Variants in MSR1 observed in about 807,000 individuals in gnomAD.
MSR1 encodes the protein macrophage scavenger receptor types I and II.
Under a neutral mutation model 47.2 loss-of-function variants are expected in MSR1, and 53 were observed. That is an observed-to-expected ratio of 1.12 (90% CI 0.90 to 1.41). The LOEUF is 1.41. Among genes scored for constraint, MSR1 ranks in the 40% most tolerant of loss-of-function variants. The pLI is 0.00. For missense variants in MSR1, 786 were observed against 546.9 expected (o/e 1.44, Z -4.36); for synonymous variants, 239 against 185.6 (o/e 1.29, Z -2.34).
intron 9 of MSR1, among the ~76,000 whole-genome samples, chr8:16,117,067 G>C (rs574520664): frequency 6.7e-4 from 102 of 152,236 alleles, no homozygotes; most frequent in African/African-American, 2.4e-3. Flanking sequence ...CCAGCCCACA[G>C]ACCATGGACC....
rs1800852538 is a variant in MSR1 at position 16,151,317 on chromosome 8, AAATCAAG to A, written c.899-1013_899-1007del. ...CTAAAAATCAAGGATGTTCAACTAC[AAATCAAG>A]TACATTTTCAATGAATGAACAAATA... On this transcript the variant is annotated intron_variant, in intron 6 of 9. Transcript: ENST00000262101. 2.0e-5 allele frequency among the ~76,000 whole-genome samples: 3 copies of A among 152,236 alleles called. No homozygotes were observed. In the South Asian group the frequency reaches 6.2e-4, roughly 32 times the overall value.
At chr8:16,141,827 A>C (rs2117110245) in intron 8 of MSR1, among the ~76,000 whole-genome samples, 1 of 152,342 alleles carries the variant, frequency 6.6e-6, no homozygotes, top group Middle Eastern at 3.4e-3. Context: ...TAAAAATAAA[A>C]AAAAAATAGT....
intron 7 of MSR1, among the ~76,000 whole-genome samples, chr8:16,148,318 T>C (rs1181162914): frequency 6.6e-6 from 1 of 152,104 alleles, no homozygotes. Flanking sequence ...TCAAGTTGTG[T>C]GAACTGGGTG....
At chr8:16,156,466 T>C (rs1317994462) in intron 5 of MSR1, among the ~76,000 whole-genome samples, 1 of 151,956 alleles carries the variant, frequency 6.6e-6, no homozygotes, top group Admixed American at 6.6e-5. Context: ...GTATGTCCCA[T>C]TTTCAAGGTA....
intron 8 of MSR1, chr8:16,139,238 G>T (rs1413851076): frequency 8.7e-5 from 85 of 981,070 alleles, no homozygotes; most frequent in Non-Finnish European, 9.8e-5. Flanking sequence ...CTCCTATTCT[G>T]ATTACAGATT....
chr8:16,122,637 T>A (rs1431762184), intron 8 of MSR1, among the ~76,000 whole-genome samples: 1 of 152,016 alleles, frequency 6.6e-6, no homozygotes, highest in Admixed American at 6.6e-5. Flanking sequence ...ATTCTGTTGG[T>A]CCAGGGACCA....
intron 5 of MSR1, among the ~76,000 whole-genome samples, chr8:16,159,941 T>G (rs1801116943): frequency 6.6e-6 from 1 of 151,966 alleles, no homozygotes; most frequent in Admixed American, 6.6e-5. Context: ...GGAAAAGACA[T>G]GAGGCAGGAT....
At chr8:16,186,599 C>G (rs548613229) in intron 1 of MSR1, among the ~76,000 whole-genome samples, 15 of 151,872 alleles carry the variant, frequency 9.9e-5, no homozygotes, top group Admixed American at 3.3e-4. Flanking sequence ...TTGCTAGCAT[C>G]CTGTCCAAGC....
chr8:16,134,530 C>T (rs529914926), intron 8 of MSR1, among the ~76,000 whole-genome samples: 3 of 152,164 alleles, frequency 2.0e-5, no homozygotes, highest in Middle Eastern at 3.4e-3. Flanking sequence ...GGCTGTTCCC[C>T]CTTCTGTCTC....
chr8:16,189,478 T>TTA (rs373242253), intron 1 of MSR1, among the ~76,000 whole-genome samples: 88,231 of 89,466 alleles, frequency 0.99, 43,518 homozygotes, highest in East Asian at 1. Flanking sequence ...TTTATATATT[T>TTA]TATATATAAA....
chr8:16,182,246 T>C (rs1439153294), intron 1 of MSR1, among the ~76,000 whole-genome samples: 1 of 152,178 alleles, frequency 6.6e-6, no homozygotes, highest in Non-Finnish European at 1.5e-5. Flanking sequence ...GTTCTGCACC[T>C]GTACAGGGCA....
intron 1 of MSR1, among the ~76,000 whole-genome samples, chr8:16,182,386 T>A (rs1801858269): frequency 1.3e-5 from 2 of 152,134 alleles, no homozygotes; most frequent in South Asian, 2.1e-4. Flanking sequence ...GTATAAAAAA[T>A]TTTATTTGTT....
chr8:16,137,450 C>T (rs1215196651), intron 8 of MSR1, among the ~76,000 whole-genome samples: 1 of 152,014 alleles, frequency 6.6e-6, no homozygotes, highest in Non-Finnish European at 1.5e-5. Context: ...CTCTATCTAT[C>T]TCTTTCTCTC....
At chr8:16,149,451 A>G (rs1800786421) in intron 7 of MSR1, among the ~76,000 whole-genome samples, 1 of 151,854 alleles carries the variant, frequency 6.6e-6, no homozygotes, top group African/African-American at 2.4e-5. Context: ...CTCGTCTCAA[A>G]CTCCTGAGCT....
chr8:16,164,932 T>A (rs779306126), intron 4 of MSR1, among the ~76,000 whole-genome samples: 14 of 152,094 alleles, frequency 9.2e-5, no homozygotes, highest in Admixed American at 2.0e-4. Context: ...TATATTTTAC[T>A]CAATAATATA....
At chr8:16,134,431 G>C (rs1171597887) in intron 8 of MSR1, among the ~76,000 whole-genome samples, 1 of 152,040 alleles carries the variant, frequency 6.6e-6, no homozygotes, top group African/African-American at 2.4e-5. Flanking sequence ...TTACTACTGT[G>C]ATTAGTTTGG....
At chr8:16,118,386 G>A (rs529472696) in intron 9 of MSR1, among the ~76,000 whole-genome samples, 2 of 152,088 alleles carry the variant, frequency 1.3e-5, no homozygotes, top group African/African-American at 4.8e-5. Flanking sequence ...TAAATAAATG[G>A]TCTTTCATTC....
In MSR1 at chr8:16,164,202, A is replaced by G. The variant is rs780003429; in HGVS notation, c.680T>C (p.Met227Thr). Reference sequence around the variant, plus strand: ...ATGCACTTGTTCTTCTTTCATAGCCATAATTTCTGCTGATACATTGTAAAC... The same window carrying G: ...ATGCACTTGTTCTTCTTTCATAGCCGTAATTTCTGCTGATACATTGTAAAC... ...ERVYNVSAEI[M>T]AMKEEQVHLE... is the part of the protein sequence containing the mutation. Residue 227 changes from methionine (M) to threonine (T), a missense_variant, in exon 5 of 10, where the codon ATG becomes ACG. Transcript: ENST00000262101. 5 of 1,612,418 alleles carry G rather than the reference A, an allele frequency of 3.1e-6. No individual in the cohort carries two copies. The highest frequency in any genetic ancestry group is 2.7e-5 in the African/African-American group (2 of 74,984).
At position 16,169,041 on chromosome 8, in the gene MSR1, G is replaced by A. The variant is rs570906212; in HGVS notation, c.218-171C>T. Among the ~76,000 whole-genome samples, 10 of 151,892 alleles carry A rather than the reference G, an allele frequency of 6.6e-5. No individual in the cohort carries two copies. In the South Asian group the frequency reaches 1.9e-3, roughly 28 times the overall value. ...ATCTACAACGTGTGAACTACGCTAC[G>A]TATATTGCTGAGAAGCATACATTCT... is the stretch of plus-strand genomic sequence containing the variant. On this transcript the variant is annotated intron_variant, in intron 3 of 9. Transcript: ENST00000262101.
Sources: gnomAD v4.1 joint callset for allele counts (sites outside exome capture counted in the v4.1 genomes callset) on GRCh38, gnomAD v4.1.1 for gene constraint, MANE v1.5 for transcripts, NCBI Gene and HGNC (gene_info 2026-07-23, HGNC 2026-07-21) for gene names.